ANK3: variants seen among roughly 807,000 people sequenced by gnomAD.
The protein encoded by ANK3 is ankyrin-3.
In ANK3, 57 loss-of-function variants were observed where a neutral mutation model predicts 370.9. The observed-to-expected ratio is 0.15, with a 90% CI of 0.12 to 0.19. ANK3 has a LOEUF of 0.19. Ranked by LOEUF, ANK3 falls within the 10% of genes least tolerant of loss-of-function variation. ANK3 has a pLI of 1.00. For synonymous variants in ANK3, 1,929 were observed against 1,946.3 expected (o/e 0.99, Z 0.23); for missense variants, 4,439 against 5,302.1 (o/e 0.84, Z 5.06).
chr10:60,147,306 AAGGT>A (rs2094878003), intron 23 of ANK3, among the ~76,000 whole-genome samples: 1 of 152,160 alleles, frequency 6.6e-6, no homozygotes, highest in Non-Finnish European at 1.5e-5. Flanking sequence ...TCCCGTGCTC[AAGGT>A]ATACAATAGA....
intron 1 of ANK3, among the ~76,000 whole-genome samples, chr10:60,695,553 C>G (rs1247032346): frequency 9.9e-5 from 15 of 152,208 alleles, no homozygotes; most frequent in South Asian, 2.1e-4. Flanking sequence ...CAAACTGTCT[C>G]TCAGACCACA....
chr10:60,693,080 G>A (rs999673479), intron 1 of ANK3, among the ~76,000 whole-genome samples: 1 of 152,216 alleles, frequency 6.6e-6, no homozygotes, highest in African/African-American at 2.4e-5. Context: ...GCGAGGCATT[G>A]CCTCACTCGG....
intron 23 of ANK3, among the ~76,000 whole-genome samples, chr10:60,155,525 G>A: frequency 6.6e-6 from 1 of 152,222 alleles, no homozygotes; most frequent in South Asian, 2.1e-4. Flanking sequence ...CCTTGGACAA[G>A]CTCTGGTGCT....
rs75918166 is a variant in ANK3 at position 60,212,153 on chromosome 10, T to C, written c.996+1259A>G. ...AAAAAATCCAAAGCAATGAGATGAA[T>C]AGGAGAAAAAATATGAGCAACTCTC... On this transcript the variant is annotated intron_variant, in intron 9 of 43. Transcript: ENST00000280772. Among the ~76,000 whole-genome samples the C allele has an allele frequency of 8.4e-3, 1,279 of 151,390 alleles. 7 individuals are homozygous for C. Among genetic ancestry groups the C allele is most frequent in the Non-Finnish European group, 0.014 (920 of 67,762 alleles).
chr10:60,102,480 G>A (rs762297967), intron 28 of ANK3, among the ~76,000 whole-genome samples: 15 of 152,164 alleles, frequency 9.9e-5, no homozygotes, highest in South Asian at 2.1e-4. Flanking sequence ...GTCACACAAC[G>A]AGTAAGCGGT....
intron 2 of ANK3, among the ~76,000 whole-genome samples, chr10:60,607,055 C>T (rs766858129): frequency 6.6e-6 from 1 of 152,100 alleles, no homozygotes; most frequent in Non-Finnish European, 1.5e-5. Context: ...AGATAAAGGC[C>T]TATAAAGAAA....
intron 2 of ANK3, among the ~76,000 whole-genome samples, chr10:60,467,565 C>A (rs1156258968): frequency 6.6e-6 from 1 of 152,152 alleles, no homozygotes; most frequent in South Asian, 2.1e-4. Context: ...TATTTAGCCA[C>A]AGGCTGGCAC....
chr10:60,449,021 G>A (rs1351445542), intron 2 of ANK3, among the ~76,000 whole-genome samples: 1 of 152,114 alleles, frequency 6.6e-6, no homozygotes, highest in East Asian at 1.9e-4. Flanking sequence ...TGACCAAGAG[G>A]CAAATTTCAG....
At chr10:60,695,746 A>C (rs2079438097) in intron 1 of ANK3, among the ~76,000 whole-genome samples, 1 of 152,216 alleles carries the variant, frequency 6.6e-6, no homozygotes, top group Non-Finnish European at 1.5e-5. Context: ...GGATGCATTC[A>C]AAGCAGTGTG....
At chr10:60,076,491 C>T (rs1564839169) in intron 36 of ANK3, 43 bp from the exon 37 acceptor site, 2 of 1,520,766 alleles carry the variant, frequency 1.3e-6, no homozygotes, top group South Asian at 1.3e-5. Context: ...CAAAAATCAA[C>T]AAAAATGGTT....
chr10:60,591,265 A>G (rs1282775817), intron 2 of ANK3, among the ~76,000 whole-genome samples: 1 of 152,086 alleles, frequency 6.6e-6, no homozygotes, highest in Non-Finnish European at 1.5e-5. Flanking sequence ...CAAATCTGCA[A>G]ACTATCCAAC....
chr10:60,219,001 T>G (rs573956241), intron 8 of ANK3, among the ~76,000 whole-genome samples: 113 of 152,014 alleles, frequency 7.4e-4, no homozygotes, highest in African/African-American at 2.6e-3. Flanking sequence ...TACTCTAGTC[T>G]TGTCTGCATG....
intron 29 of ANK3, 28 bp downstream of exon 29, chr10:60,088,119 G>A: frequency 6.3e-7 from 1 of 1,599,672 alleles, no homozygotes; most frequent in African/African-American, 1.3e-5. Flanking sequence ...TGCGCATACT[G>A]AGGGAAACAA....
chr10:60,618,328 G>A (rs569549156), intron 1 of ANK3, among the ~76,000 whole-genome samples: 82 of 152,174 alleles, frequency 5.4e-4, no homozygotes, highest in African/African-American at 1.9e-3. Flanking sequence ...AAGCAATAAA[G>A]CATGGCTAGT....
chr10:60,506,462 G>A (rs557389666), intron 2 of ANK3, among the ~76,000 whole-genome samples: 130 of 152,202 alleles, frequency 8.5e-4, no homozygotes, highest in African/African-American at 2.8e-3. Flanking sequence ...GTGTTATGAT[G>A]TGAACCATAT....
At chr10:60,360,485 G>A (rs2058432874) in intron 1 of ANK3, among the ~76,000 whole-genome samples, 1 of 152,198 alleles carries the variant, frequency 6.6e-6, no homozygotes, top group African/African-American at 2.4e-5. Flanking sequence ...GAGGCAAGAT[G>A]ACTGCCTGAG....
chr10:60,519,721 G>A (rs1238222092), intron 2 of ANK3, among the ~76,000 whole-genome samples: 1 of 152,040 alleles, frequency 6.6e-6, no homozygotes. Flanking sequence ...TGGGGACACT[G>A]GGCAAAAAGA....
At chr10:60,678,375 A>T (rs1020682510) in intron 1 of ANK3, among the ~76,000 whole-genome samples, 8 of 152,206 alleles carry the variant, frequency 5.3e-5, no homozygotes, top group Admixed American at 5.2e-4. Context: ...GCAAGGTTTC[A>T]AAACATTGGG....
chr10:60,647,490 A>T (rs1360711133), intron 1 of ANK3, among the ~76,000 whole-genome samples: 3 of 152,218 alleles, frequency 2.0e-5, no homozygotes, highest in Non-Finnish European at 4.4e-5. Context: ...TTACTGGGAC[A>T]GTAAAATATA....
Sources: gnomAD v4.1 joint callset for allele counts (sites outside exome capture counted in the v4.1 genomes callset) on GRCh38, gnomAD v4.1.1 for gene constraint, MANE v1.5 for transcripts, NCBI Gene and HGNC (gene_info 2026-07-23, HGNC 2026-07-21) for gene names.